Variants in WFDC10A observed in about 807,000 individuals in gnomAD.
WFDC10A encodes WAP four-disulfide core domain protein 10A.
A neutral mutation model predicts 2.6 loss-of-function variants in WFDC10A; 2 were observed. The ratio of observed to expected loss-of-function variants is 0.76; its 90% CI spans 0.31 to 2.40. WFDC10A has a LOEUF of 2.40. Among genes scored for constraint, WFDC10A ranks in the 30% most tolerant of loss-of-function variants. The probability of loss-of-function intolerance (pLI) is 0.12; values close to 1 mark genes in which losing one functional copy is unlikely to be tolerated. For missense variants in WFDC10A, 84 were observed against 91.8 expected, an observed-to-expected ratio of 0.92 and a Z score of 0.35; for synonymous variants, 36 against 36.3, an observed-to-expected ratio of 0.99 and a Z score of 0.03.
chr20:45,631,085 C>A lies in WFDC10A; in HGVS notation c.*67C>A. 1 of 1,466,854 alleles carries A rather than the reference C, an allele frequency of 6.8e-7. No individual in the cohort carries two copies. Among genetic ancestry groups the A allele is most frequent in the South Asian group, 1.5e-5 (1 of 65,624 alleles). 90.9% of individuals were successfully genotyped at this position (1,466,854 alleles called of 1,614,324 possible). On this transcript the variant is annotated 3_prime_UTR_variant, in exon 2 of 2. Coordinates refer to ENST00000372643, the MANE Select transcript of WFDC10A (RefSeq NM_080753.3). ...CTCTATCCAAGACTGTGCCCACATC[C>A]GAAGCACAAGGACCTCAAGTCACCA...
In WFDC10A at chr20:45,629,891, G is replaced by A; in HGVS notation, c.78G>A (p.Lys26=). The A allele has an allele frequency of 6.2e-7, 1 of 1,613,826 alleles. No homozygotes were observed. Among genetic ancestry groups the A allele is most frequent in the South Asian group, 1.1e-5 (1 of 91,032 alleles). Reference sequence around the variant, plus strand: ...AGGCCCAGGGAGGATACCGTGACAAGAAGAGGATGCAGAGTAGGTGATGGG... The same window carrying A: ...AGGCCCAGGGAGGATACCGTGACAAAAAGAGGATGCAGAGTAGGTGATGGG... ...LLQAQGGYRD[K]KRMQKTQLSP... is the part of the protein sequence containing the mutation. Residue 26 remains lysine (K), a synonymous_variant, in exon 1 of 2, where the codon AAG becomes AAA. Transcript: ENST00000372643.
chr20:45,630,851 G>A lies in WFDC10A; in HGVS notation c.92-19G>A, dbSNP rs1487323. 515,256 of 1,577,492 alleles carry A rather than the reference G, an allele frequency of 0.33. 85,391 individuals are homozygous for A. Among genetic ancestry groups the A allele is most frequent in the South Asian group, 0.41 (34,536 of 85,058 alleles). On this transcript the variant is annotated intron_variant, in intron 1 of 1. Transcript: ENST00000372643. Reference sequence around the variant, plus strand: ...CTCTAGGAAACTGCGTTTATTTACCGTTCTATTCTCCTTGTCAGAAACACA... The same window carrying A: ...CTCTAGGAAACTGCGTTTATTTACCATTCTATTCTCCTTGTCAGAAACACA...
rs140408245 is a variant in WFDC10A, at chr20:45,631,011, T to G, written c.233T>G (p.Ile78Ser). Reference protein sequence around the residue: ...STYCGNVCMSIL With the variant: ...STYCGNVCMSSL ...TACTGTGGGAATGTTTGCATGAGCA[T>G]CCTGTGAGTGGGAGAGTGGGCTGGG... Residue 78 changes from isoleucine to serine, a missense_variant, in exon 2 of 2, where the codon ATC (isoleucine) becomes AGC (serine). Physicochemically the swap from Ile to Ser is moderately radical, Grantham distance 142. Coordinates refer to ENST00000372643, the MANE Select transcript of WFDC10A (RefSeq NM_080753.3). 8.1e-6 allele frequency: 13 copies of G among 1,599,594 alleles called. No individual in the cohort carries two copies. Among genetic ancestry groups the G allele is most frequent in the Non-Finnish European group, 1.1e-5 (13 of 1,173,190 alleles).
At position 45,630,943 on chromosome 20, in the gene WFDC10A, A is replaced by C. The variant is rs141343026; in HGVS notation, c.165A>C (p.Glu55Asp). Residue 55 changes from glutamate to aspartate, a missense_variant, in exon 2 of 2, where the codon GAA becomes GAC. Physicochemically the swap from Glu to Asp is conservative, Grantham distance 45 (BLOSUM62 2). Coordinates refer to ENST00000372643, the MANE Select transcript of WFDC10A (RefSeq NM_080753.3). ...TATATCTATGCAAACACTTATGTGA[A>C]TCTCACCGAGATTGTCAAGCAAATA... ...PKLYLCKHLCESHRDCQANNI... is the reference protein window; with the variant it reads ...PKLYLCKHLCDSHRDCQANNI... 1 of 1,612,316 alleles carries C rather than the reference A, an allele frequency of 6.2e-7. No homozygotes were observed. The highest frequency in any genetic ancestry group is 8.5e-7 in the Non-Finnish European group (1 of 1,179,350).
rs1163598221 is a variant in WFDC10A, at chr20:45,630,929, A to G, written c.151A>G (p.Lys51Glu). Reference sequence around the variant, plus strand: ...GCAGCAGCCTAAACTATATCTATGCAAACACTTATGTGAATCTCACCGAGA... The same window carrying G: ...GCAGCAGCCTAAACTATATCTATGCGAACACTTATGTGAATCTCACCGAGA... ...CQQQPKLYLCKHLCESHRDCQ... is the reference protein window; with the variant it reads ...CQQQPKLYLCEHLCESHRDCQ... Residue 51 changes from lysine to glutamate, a missense_variant, in exon 2 of 2, where the codon AAA becomes GAA. Lys to Glu is a moderately conservative substitution (Grantham distance 56). Coordinates refer to ENST00000372643, the MANE Select transcript of WFDC10A (RefSeq NM_080753.3). 2 of 1,612,530 alleles carry G rather than the reference A, an allele frequency of 1.2e-6. No homozygotes were observed. The highest frequency in any genetic ancestry group is 1.7e-5 in the Admixed American group (1 of 59,784).
At chr20:45,629,986 G>A (rs1260120759) in intron 1 of WFDC10A, 82 bp downstream of exon 1, 8 of 1,549,122 alleles carry the variant, frequency 5.2e-6, no homozygotes, top group Admixed American at 1.9e-5. Flanking sequence ...GTAGGACCTA[G>A]GAGTTGGAAA....
Position 45,630,850 on chromosome 20 carries a change from C to T in WFDC10A, c.92-20C>T, listed in dbSNP as rs188622597. 5 of 1,565,558 alleles carry T rather than the reference C, an allele frequency of 3.2e-6. No individual in the cohort carries two copies. The Admixed American group carries it at 7.6e-5, about 24-fold the overall frequency. Reference sequence around the variant, plus strand: ...TCTCTAGGAAACTGCGTTTATTTACCGTTCTATTCTCCTTGTCAGAAACAC... The same window carrying T: ...TCTCTAGGAAACTGCGTTTATTTACTGTTCTATTCTCCTTGTCAGAAACAC... On this transcript the variant is annotated intron_variant, in intron 1 of 1. Coordinates refer to ENST00000372643, the MANE Select transcript of WFDC10A (RefSeq NM_080753.3).
rs1434431595 is a variant in WFDC10A at position 45,629,788 on chromosome 20, A to G, written c.-26A>G. The G allele has an allele frequency of 1.9e-6, 3 of 1,610,110 alleles. No individual in the cohort carries two copies. The highest frequency in any genetic ancestry group is 1.6e-4 in the Middle Eastern group (1 of 6,078). On this transcript the variant is annotated 5_prime_UTR_variant, in exon 1 of 2. Coordinates refer to ENST00000372643, the MANE Select transcript of WFDC10A (RefSeq NM_080753.3). ...GAAGTCTGTGACAACCTGGCCAGAC[A>G]TAGGGCTCACGATCTGATCAGAGTC...
At position 45,629,953 on chromosome 20, in the gene WFDC10A, T is replaced by C. The variant is rs1251651335; in HGVS notation, c.91+49T>C. Reference sequence around the variant, plus strand: ...GTGAGGGGGAATTGGGTAGGGGGAATGGAGGGCCTGTGTCCAGTCTGAGTA... The same window carrying C: ...GTGAGGGGGAATTGGGTAGGGGGAACGGAGGGCCTGTGTCCAGTCTGAGTA... On this transcript the variant is annotated intron_variant, in intron 1 of 1. Transcript: ENST00000372643. 1.9e-6 allele frequency: 3 copies of C among 1,599,430 alleles called. No homozygotes were observed. In the African/African-American group the frequency reaches 4.0e-5, roughly 21 times the overall value.
rs901820478 is a variant in WFDC10A at position 45,629,841 on chromosome 20, C to T, written c.28C>T (p.Leu10=). Residue 10 remains leucine (L), a synonymous_variant, in exon 1 of 2, where the codon CTG becomes TTG. Coordinates refer to ENST00000372643, the MANE Select transcript of WFDC10A (RefSeq NM_080753.3). The part of the protein sequence containing the change: MAPQTLLPV[L]VLCVLLLQAQ... Reference sequence around the variant, plus strand: ...GGCACCCCAGACTCTGCTGCCTGTCCTGGTTCTCTGTGTGCTGCTGCTGCA... The same window carrying T: ...GGCACCCCAGACTCTGCTGCCTGTCTTGGTTCTCTGTGTGCTGCTGCTGCA... The T allele has an allele frequency of 5.0e-6, 8 of 1,613,886 alleles. No individual in the cohort carries two copies. In the East Asian group the frequency reaches 1.1e-4, roughly 22 times the overall value.
At position 45,629,786 on chromosome 20, in the gene WFDC10A, A is replaced by C. The variant is rs763518488; in HGVS notation, c.-28A>C. The C allele has an allele frequency of 6.2e-7, 1 of 1,609,534 alleles. No homozygotes were observed. Among genetic ancestry groups the C allele is most frequent in the Admixed American group, 1.7e-5 (1 of 59,380 alleles). ...GGGAAGTCTGTGACAACCTGGCCAG[A>C]CATAGGGCTCACGATCTGATCAGAG... On this transcript the variant is annotated 5_prime_UTR_variant, in exon 1 of 2. Coordinates refer to ENST00000372643, the MANE Select transcript of WFDC10A (RefSeq NM_080753.3).
chr20:45,629,949 G>A, intron 1 of WFDC10A, 45 bp downstream of exon 1: 1 of 1,602,564 alleles, frequency 6.2e-7, no homozygotes, highest in African/African-American at 1.3e-5. Context: ...TTGGGTAGGG[G>A]GAATGGAGGG....
chr20:45,630,407 G>A (rs1982333054), intron 1 of WFDC10A, among the ~76,000 whole-genome samples: 2 of 152,098 alleles, frequency 1.3e-5, no homozygotes, highest in Admixed American at 6.5e-5. Context: ...ACTAAAGAAG[G>A]GGCAGGAAGA....
chr20:45,630,923 C>T lies in WFDC10A; in HGVS notation c.145C>T (p.Leu49=), dbSNP rs767438113. The T allele has an allele frequency of 6.2e-7, 1 of 1,612,388 alleles. No homozygotes were observed. The highest frequency in any genetic ancestry group is 2.2e-5 in the East Asian group (1 of 44,756). The change falls in exon 2 of 2, where the codon CTA becomes TTA. Residue 49 remains leucine (L), a synonymous_variant. Coordinates refer to ENST00000372643, the MANE Select transcript of WFDC10A (RefSeq NM_080753.3). ...KVCQQQPKLY[L]CKHLCESHRD... ...CTGCCAGCAGCAGCCTAAACTATAT[C>T]TATGCAAACACTTATGTGAATCTCA...
In WFDC10A at chr20:45,631,027, G is replaced by A; in HGVS notation, c.*9G>A. On this transcript the variant is annotated 3_prime_UTR_variant, in exon 2 of 2. Transcript: ENST00000372643. ...GCATGAGCATCCTGTGAGTGGGAGA[G>A]TGGGCTGGGATGTGCATCCTGCTTC... is the stretch of plus-strand genomic sequence containing the variant. 1 of 1,589,936 alleles carries A rather than the reference G, an allele frequency of 6.3e-7. No individual in the cohort carries two copies. Among genetic ancestry groups the A allele is most frequent in the South Asian group, 1.2e-5 (1 of 86,640 alleles).
At chr20:45,630,023 A>C (rs1982319161) in intron 1 of WFDC10A, 119 bp downstream of exon 1, 1 of 1,392,270 alleles carries the variant, frequency 7.2e-7, no homozygotes, top group African/African-American at 1.4e-5. Context: ...CTCTGACCAC[A>C]ATGTTGTGTA....
In WFDC10A at chr20:45,629,779, T is replaced by C. The variant is rs769752266; in HGVS notation, c.-35T>C. 2.9e-5 allele frequency: 47 copies of C among 1,605,352 alleles called. No homozygotes were observed. Among genetic ancestry groups the C allele is most frequent in the Middle Eastern group, 1.6e-4 (1 of 6,076 alleles). Reference sequence around the variant, plus strand: ...CTCTGCAGGGAAGTCTGTGACAACCTGGCCAGACATAGGGCTCACGATCTG... The same window carrying C: ...CTCTGCAGGGAAGTCTGTGACAACCCGGCCAGACATAGGGCTCACGATCTG... On this transcript the variant is annotated 5_prime_UTR_variant, in exon 1 of 2. Transcript: ENST00000372643.
Position 45,631,172 on chromosome 20 carries a change from A to C in WFDC10A, c.*154A>C. The C allele has an allele frequency of 1.2e-6, 1 of 806,566 alleles. No individual in the cohort carries two copies. 50.0% of individuals were successfully genotyped at this position (806,566 alleles called of 1,614,324 possible). On this transcript the variant is annotated 3_prime_UTR_variant, in exon 2 of 2. Transcript: ENST00000372643. Reference sequence around the variant, plus strand: ...TGTCTGAACCCCTTGTCCCTGTCAAATAAACCAGAACAAATGCCCAGGGAT... The same window carrying C: ...TGTCTGAACCCCTTGTCCCTGTCAACTAAACCAGAACAAATGCCCAGGGAT...
In WFDC10A at chr20:45,630,951, G is replaced by A. The variant is rs1341136729; in HGVS notation, c.173G>A (p.Arg58Gln). 19 of 1,612,064 alleles carry A rather than the reference G, an allele frequency of 1.2e-5. No homozygotes were observed. Among genetic ancestry groups the A allele is most frequent in the Middle Eastern group, 1.6e-4 (1 of 6,078 alleles). The change falls in exon 2 of 2, where the codon CGA (arginine) becomes CAA (glutamine). Residue 58 changes from arginine to glutamine, a missense_variant. Physicochemically the swap from Arg to Gln is conservative, Grantham distance 43 (BLOSUM62 1). Transcript: ENST00000372643. The stretch of plus-strand genomic sequence containing the variant: ...TGCAAACACTTATGTGAATCTCACC[G>A]AGATTGTCAAGCAAATAACATATGC... Reference protein sequence around the residue: ...YLCKHLCESHRDCQANNICCS... With the variant: ...YLCKHLCESHQDCQANNICCS...
Sources: gnomAD v4.1 joint callset for allele counts (sites outside exome capture counted in the v4.1 genomes callset) on GRCh38, gnomAD v4.1.1 for gene constraint, MANE v1.5 for transcripts, NCBI Gene and HGNC (gene_info 2026-07-23, HGNC 2026-07-21) for gene names.